SLX9: variants seen among roughly 807,000 people sequenced by gnomAD.
SLX9 encodes SLX9 ribosome biogenesis factor.
SLX9 carries 19 observed loss-of-function variants against 20.8 expected under a neutral mutation model. The ratio of observed to expected loss-of-function variants is 0.91; its 90% confidence interval spans 0.64 to 1.34. SLX9 has a LOEUF of 1.34. Among genes scored for constraint, SLX9 ranks in the 40% most tolerant of loss-of-function variants. The probability of loss-of-function intolerance (pLI) is 0.00; values close to 1 mark genes in which losing one functional copy is unlikely to be tolerated. For synonymous variants in SLX9, 113 were observed against 137.1 expected, an observed-to-expected ratio of 0.82 and a Z score of 1.23; for missense variants, 299 against 322.2, an observed-to-expected ratio of 0.93 and a Z score of 0.55.
chr21:44,946,762 A>G (rs1241207578), intron 2 of SLX9, among the ~76,000 whole-genome samples: 5 of 152,318 alleles, frequency 3.3e-5, no homozygotes, highest in Admixed American at 3.3e-4. Context: ...GTTCTGGTGC[A>G]TATTCCTTCC....
chr21:44,941,205 T>C (rs572343416), intron 1 of SLX9, among the ~76,000 whole-genome samples: 7 of 152,362 alleles, frequency 4.6e-5, no homozygotes, highest in Admixed American at 4.6e-4. Flanking sequence ...TTATAATGCC[T>C]ACTCTGAATT....
rs539105542 is a variant in SLX9, at chr21:44,944,191, T to C, written c.283+354T>C. ...GTTTGGGGCAGTTTTGATCCTTTTC[T>C]TAAACAAGTGCTTTATGTGTTGCAG... On this transcript the variant is annotated intron_variant, in intron 2 of 5. Transcript: ENST00000291634. Among the ~76,000 whole-genome samples the C allele has an allele frequency of 6.6e-5, 10 of 152,380 alleles. No homozygotes were observed. In the South Asian group the frequency reaches 2.1e-3, roughly 32 times the overall value.
At chr21:44,971,164 T>C (rs8131781) in intron 4 of SLX9, among the ~76,000 whole-genome samples, 1,781 of 17,898 alleles carry the variant, frequency 0.1, 29 homozygotes, top group African/African-American at 0.15. Context: ...GCTTTGTGGG[T>C]GATTGTCGGG....
chr21:44,968,199 G>A (rs966298064), intron 4 of SLX9, among the ~76,000 whole-genome samples: 1 of 149,228 alleles, frequency 6.7e-6, no homozygotes, highest in Non-Finnish European at 1.5e-5. Flanking sequence ...ACACAACCCC[G>A]CCACCCAGTG....
chr21:44,954,062 G>T (rs2084809422), intron 2 of SLX9, among the ~76,000 whole-genome samples: 1 of 152,152 alleles, frequency 6.6e-6, no homozygotes, highest in East Asian at 1.9e-4. Flanking sequence ...TGCTCCCGGG[G>T]CACATGCTAC....
intron 4 of SLX9, chr21:44,969,411 A>T: frequency 2.9e-6 from 1 of 350,118 alleles, no homozygotes; most frequent in Non-Finnish European, 5.8e-6. Flanking sequence ...GGCTGTATCA[A>T]CACCCAGCCC....
chr21:44,966,387 C>T (rs1374711874), intron 3 of SLX9, among the ~76,000 whole-genome samples: 1 of 152,212 alleles, frequency 6.6e-6, no homozygotes, highest in African/African-American at 2.4e-5. Flanking sequence ...CGTCCGCGCT[C>T]CACAGCCTCC....
At chr21:44,954,523 G>A (rs2084818935) in intron 2 of SLX9, among the ~76,000 whole-genome samples, 1 of 152,198 alleles carries the variant, frequency 6.6e-6, no homozygotes, top group Non-Finnish European at 1.5e-5. Context: ...CCACCCTCAG[G>A]TCCTGGGAGA....
intron 2 of SLX9, among the ~76,000 whole-genome samples, chr21:44,946,859 G>T (rs2084652436): frequency 6.6e-6 from 1 of 152,236 alleles, no homozygotes; most frequent in South Asian, 2.1e-4. Context: ...CAGACGGAGG[G>T]ACAGGCCTCC....
At chr21:44,974,117 C>T (rs1021013118) in intron 5 of SLX9, among the ~76,000 whole-genome samples, 2 of 152,236 alleles carry the variant, frequency 1.3e-5, no homozygotes, top group African/African-American at 2.4e-5. Context: ...TCTTTGCAGA[C>T]TCAGCTCCAG....
intron 4 of SLX9, chr21:44,969,091 T>C: frequency 2.2e-6 from 1 of 447,042 alleles, no homozygotes; most frequent in Non-Finnish European, 4.8e-6. Flanking sequence ...TTTCTCCTAC[T>C]AACTTTCCAT....
intron 2 of SLX9, chr21:44,959,226 T>C (rs1188662851): frequency 1.0e-6 from 1 of 985,266 alleles, no homozygotes; most frequent in African/African-American, 1.7e-5. Context: ...TCATTAGACA[T>C]GGTGGATTTG....
At chr21:44,974,479 T>C (rs1056670735) in intron 5 of SLX9, among the ~76,000 whole-genome samples, 2 of 152,254 alleles carry the variant, frequency 1.3e-5, no homozygotes, top group Non-Finnish European at 2.9e-5. Flanking sequence ...TCATGTTCTC[T>C]AATCCATTTT....
At chr21:44,950,100 AT>A (rs142870585) in intron 2 of SLX9, among the ~76,000 whole-genome samples, 26,403 of 145,944 alleles carry the variant, frequency 0.18, 2,329 homozygotes, top group Admixed American at 0.23. Flanking sequence ...GTCTTCAGGG[AT>A]TTTTTTTTTT....
chr21:44,941,699 T>C (rs2084552275), intron 1 of SLX9, among the ~76,000 whole-genome samples: 1 of 152,204 alleles, frequency 6.6e-6, no homozygotes, highest in South Asian at 2.1e-4. Context: ...TCACTCCTGG[T>C]AGGGTGCGTC....
At chr21:44,970,247 G>C (rs527872787) in intron 4 of SLX9, among the ~76,000 whole-genome samples, 1 of 152,222 alleles carries the variant, frequency 6.6e-6, no homozygotes, top group Admixed American at 6.5e-5. Flanking sequence ...TCTTCTCCCC[G>C]TGTATGTGTC....
At chr21:44,964,612 C>T (rs2085001448) in intron 3 of SLX9, among the ~76,000 whole-genome samples, 1 of 151,788 alleles carries the variant, frequency 6.6e-6, no homozygotes, top group African/African-American at 2.4e-5. Context: ...TCCCCATGCC[C>T]TGTGGGCGGG....
intron 5 of SLX9, among the ~76,000 whole-genome samples, chr21:44,974,798 C>A (rs760847953): frequency 6.6e-6 from 1 of 152,170 alleles, no homozygotes; most frequent in South Asian, 2.1e-4. Flanking sequence ...AGACAGTTTG[C>A]GAACAGCAGA....
At chr21:44,967,637 C>T (rs1211812371) in intron 4 of SLX9, among the ~76,000 whole-genome samples, 2 of 152,184 alleles carry the variant, frequency 1.3e-5, no homozygotes, top group Non-Finnish European at 2.9e-5. Flanking sequence ...GTGGACCTTT[C>T]CCTGATGCCC....
Sources: gnomAD v4.1 joint callset for allele counts (sites outside exome capture counted in the v4.1 genomes callset) on GRCh38, gnomAD v4.1.1 for gene constraint, MANE v1.5 for transcripts, NCBI Gene and HGNC (gene_info 2026-07-23, HGNC 2026-07-21) for gene names.